SHPRH: variants seen among roughly 807,000 people sequenced by gnomAD.
SHPRH encodes the protein E3 ubiquitin-protein ligase SHPRH.
Under a neutral mutation model 202.5 loss-of-function variants are expected in SHPRH, and 106 were observed. The ratio of observed to expected loss-of-function variants is 0.52; its 90% confidence interval spans 0.45 to 0.62. The LOEUF (loss-of-function observed/expected upper bound fraction) is 0.62, where lower values mean the gene tolerates loss of function less well. Among genes scored for constraint, SHPRH ranks in the 20% least tolerant of loss-of-function variants. The probability of loss-of-function intolerance (pLI) is 0.00; values close to 1 mark genes in which losing one functional copy is unlikely to be tolerated. For synonymous variants in SHPRH, 729 were observed against 686.0 expected, an observed-to-expected ratio of 1.06 and a Z score of -0.98; for missense variants, 1,710 against 2,020.0, an observed-to-expected ratio of 0.85 and a Z score of 2.94.
At chr6:145,895,131 T>A (rs1781903051) in intron 25 of SHPRH, among the ~76,000 whole-genome samples, 154 bp from the exon 26 acceptor site, 1 of 152,160 alleles carries the variant, frequency 6.6e-6, no homozygotes, top group Admixed American at 6.6e-5. Flanking sequence ...TCATTTTGTG[T>A]TTGCTGGAAA....
At position 145,947,613 on chromosome 6, in the gene SHPRH, C is replaced by T. The variant is rs533292164; in HGVS notation, c.1092G>A (p.Pro364=). ...CIIREYPNSG[P]QLLGGILADE... ...CTGCTAAAATTCCACCAAGCAACTG[C>T]GGCCCAGAATTTGGGTACTCACGAA... The change falls in exon 6 of 30, where the codon CCG becomes CCA. Residue 364 remains proline, a synonymous_variant. Transcript: ENST00000275233. 6 of 1,612,598 alleles carry T rather than the reference C, an allele frequency of 3.7e-6. No individual in the cohort carries two copies. Among genetic ancestry groups the T allele is most frequent in the South Asian group, 2.2e-5 (2 of 91,006 alleles).
At chr6:145,925,345 C>T (rs900916748) in intron 16 of SHPRH, among the ~76,000 whole-genome samples, 1 of 150,316 alleles carries the variant, frequency 6.7e-6, no homozygotes, top group African/African-American at 2.4e-5. Flanking sequence ...TCTCACTACA[C>T]ACACACACAC....
intron 25 of SHPRH, chr6:145,909,023 G>T (rs1395861080): frequency 1.3e-5 from 2 of 151,962 alleles, no homozygotes; most frequent in Admixed American, 6.6e-5. Context: ...CCCATTGTTT[G>T]TTTTTGTCGG....
Position 145,921,345 on chromosome 6 carries a change from T to C in SHPRH, c.3830A>G (p.Glu1277Gly). Residue 1277 changes from glutamate to glycine, a missense_variant, in exon 21 of 30, where the codon GAA becomes GGA. Physicochemically the swap from Glu to Gly is moderately conservative, Grantham distance 98. Around this residue, in one of 8 missense-constraint regions of SHPRH, gnomAD observed 288 missense variants for 317.8 expected, o/e 0.91. Coordinates refer to ENST00000275233, the MANE Select transcript of SHPRH (RefSeq NM_001042683.3). ...AIFEEMIEDE[E>G]GLVDDRAPTT... ...AGGTGCTCGATCATCCACCAGTCCT[T>C]CTTCATCTTCTATCATCTCCTCAAA... is the stretch of plus-strand genomic sequence containing the variant. 6.2e-7 allele frequency: 1 copy of C among 1,612,776 alleles called. No homozygotes were observed.
chr6:145,896,246 G>A (rs998889449), intron 25 of SHPRH, among the ~76,000 whole-genome samples: 9 of 152,050 alleles, frequency 5.9e-5, no homozygotes, highest in Non-Finnish European at 1.0e-4. Context: ...GATTAGAAAT[G>A]TACTACAAAG....
chr6:145,876,474 G>T, intron 2 of SHPRH, among the ~76,000 whole-genome samples: 1 of 152,028 alleles, frequency 6.6e-6, no homozygotes, highest in East Asian at 1.9e-4. Context: ...TGTTTTTAAG[G>T]TTCATCCATG....
intron 6 of SHPRH, among the ~76,000 whole-genome samples, chr6:145,946,789 A>T (rs1210496185): frequency 1.3e-5 from 2 of 151,984 alleles, no homozygotes; most frequent in Non-Finnish European, 2.9e-5. Context: ...CTAATTCTGC[A>T]AACTTGACCC....
intron 25 of SHPRH, among the ~76,000 whole-genome samples, chr6:145,899,161 G>A (rs1348690401): frequency 2.0e-5 from 3 of 151,730 alleles, no homozygotes; most frequent in South Asian, 4.2e-4. Context: ...ATTCTGTTAC[G>A]GCAACATAAA....
intron 2 of SHPRH, among the ~76,000 whole-genome samples, chr6:145,874,397 G>A (rs77892247): frequency 0.04 from 6,138 of 152,020 alleles, 412 homozygotes; most frequent in African/African-American, 0.14. Context: ...CCATCATGCT[G>A]CCTGGTGTCC....
the SHPRH span, among the ~76,000 whole-genome samples, chr6:145,859,093 A>G: frequency 2.4e-4 from 36 of 152,174 alleles, no homozygotes; most frequent in South Asian, 6.8e-3. Context: ...AATGCATGCA[A>G]AACAACCCAA....
intron 2 of SHPRH, among the ~76,000 whole-genome samples, chr6:145,874,002 C>G (rs1780182544): frequency 6.6e-6 from 1 of 151,900 alleles, no homozygotes; most frequent in Non-Finnish European, 1.5e-5. Context: ...AGTTCAAGAC[C>G]AGCCTGGCCA....
chr6:145,950,167 A>T, intron 4 of SHPRH, 97 bp downstream of exon 4: 1 of 936,552 alleles, frequency 1.1e-6, no homozygotes, highest in Non-Finnish European at 1.6e-6. Context: ...TTATATTTTC[A>T]GGATGTTTAT....
At chr6:145,910,366 T>C (rs970112303) in intron 25 of SHPRH, 82 bp downstream of exon 25, 20 of 1,467,806 alleles carry the variant, frequency 1.4e-5, no homozygotes, top group Admixed American at 1.3e-4. Context: ...CTTGTTCTGA[T>C]GTTCATGCTT....
chr6:145,935,565 A>T, intron 11 of SHPRH, 124 bp from the exon 12 acceptor site: 1 of 881,366 alleles, frequency 1.1e-6, no homozygotes, highest in Non-Finnish European at 1.7e-6. Flanking sequence ...CAGGCTGTAT[A>T]GGCTCTTAAA....
chr6:145,944,579 G>A (rs907772590), intron 8 of SHPRH, among the ~76,000 whole-genome samples: 2 of 151,782 alleles, frequency 1.3e-5, no homozygotes, highest in Non-Finnish European at 2.9e-5. Context: ...GTGGTAGCAG[G>A]ATTACCAAAA....
Position 145,886,522 on chromosome 6 carries a change from A to C in SHPRH, c.*169T>G, listed in dbSNP as rs2128706087. 3.3e-6 allele frequency: 4 copies of C among 1,197,216 alleles called. No individual in the cohort carries two copies. In the East Asian group the frequency reaches 1.0e-4, roughly 30 times the overall value. 74.2% of individuals were successfully genotyped at this position (1,197,216 alleles called of 1,614,324 possible). ...AGATCTTTTGGAAACAGTATATTGA[A>C]AAGGACTCAATAAGTACTAAGCCAC... is the stretch of plus-strand genomic sequence containing the variant. On this transcript the variant is annotated 3_prime_UTR_variant, in exon 30 of 30. Coordinates refer to ENST00000275233, the MANE Select transcript of SHPRH (RefSeq NM_001042683.3).
At chr6:145,901,543 C>A (rs1167646595) in intron 25 of SHPRH, among the ~76,000 whole-genome samples, 1 of 152,090 alleles carries the variant, frequency 6.6e-6, no homozygotes, top group East Asian at 1.9e-4. Context: ...CCTGTGCAAG[C>A]TGTTAACACA....
intron 14 of SHPRH, among the ~76,000 whole-genome samples, chr6:145,929,220 C>G (rs1424029921): frequency 2.6e-5 from 4 of 151,870 alleles, no homozygotes; most frequent in Middle Eastern, 3.4e-3. Context: ...TTTGGAAATA[C>G]CCATTCTCAG....
chr6:145,963,133 T>C (rs1160342350), intron 1 of SHPRH, among the ~76,000 whole-genome samples: 1 of 152,134 alleles, frequency 6.6e-6, no homozygotes, highest in African/African-American at 2.4e-5. Context: ...CTCTAGAAAG[T>C]GCAGGTTATC....
Sources: gnomAD v4.1 joint callset for allele counts (sites outside exome capture counted in the v4.1 genomes callset) on GRCh38, gnomAD v4.1.1 for gene constraint, gnomAD v4.1.1 regional missense constraint, MANE v1.5 for transcripts, NCBI Gene and HGNC (gene_info 2026-07-23, HGNC 2026-07-21) for gene names.